Variants in ANK1 observed in about 807,000 individuals in gnomAD.
ANK1 encodes the protein ankyrin-1.
In ANK1, 51 loss-of-function variants were observed where a neutral mutation model predicts 210.4. The observed-to-expected ratio is 0.24, with a 90% confidence interval of 0.19 to 0.31. ANK1 has a LOEUF of 0.31. Ranked by LOEUF, ANK1 falls within the 10% of genes least tolerant of loss-of-function variation. ANK1 has a pLI of 1.00. For missense variants in ANK1, 2,051 were observed against 2,504.4 expected (o/e 0.82, Z 3.86); for synonymous variants, 967 against 1,025.9 (o/e 0.94, Z 1.10).
chr8:41,743,331 CGA>C (rs1392543547), intron 2 of ANK1, among the ~76,000 whole-genome samples: 3 of 152,086 alleles, frequency 2.0e-5, no homozygotes, highest in African/African-American at 7.2e-5. Flanking sequence ...AGGGAAGGAG[CGA>C]CGGCATGATA....
At chr8:41,882,730 C>A (rs1409486010) in intron 1 of ANK1, among the ~76,000 whole-genome samples, 1 of 152,264 alleles carries the variant, frequency 6.6e-6, no homozygotes. Context: ...ATCGCCAGTG[C>A]TCTGGGCTGT....
At chr8:41,752,139 G>A (rs970955225) in intron 2 of ANK1, among the ~76,000 whole-genome samples, 3 of 152,232 alleles carry the variant, frequency 2.0e-5, no homozygotes, top group African/African-American at 4.8e-5. Flanking sequence ...CCACCCCACC[G>A]AAATAGTCAC....
rs561881459 is a variant in ANK1, at chr8:41,668,246, C to T, written c.5394+21G>A. ...GATGCTGGGAAGGAACAGCAGCACG[C>T]AGCTCCCCTCGGGCTCTCACCTGCA... On this transcript the variant is annotated intron_variant, in intron 39 of 42. Coordinates refer to ENST00000289734, the MANE Select transcript of ANK1 (RefSeq NM_000037.4). 4.3e-6 allele frequency: 7 copies of T among 1,614,136 alleles called. No homozygotes were observed. In the African/African-American group the frequency reaches 5.3e-5, roughly 12 times the overall value.
intron 1 of ANK1, among the ~76,000 whole-genome samples, chr8:41,891,420 C>T (rs948712065): frequency 6.6e-6 from 1 of 152,170 alleles, no homozygotes; most frequent in Non-Finnish European, 1.5e-5. Flanking sequence ...AGGTGACTTG[C>T]TCCAGGCTCT....
intron 1 of ANK1, among the ~76,000 whole-genome samples, chr8:41,844,341 G>C (rs983753785): frequency 6.6e-6 from 1 of 152,218 alleles, no homozygotes; most frequent in Non-Finnish European, 1.5e-5. Flanking sequence ...CGAATGGGTA[G>C]ATCCAGGTCA....
chr8:41,834,049 G>A (rs988067526), intron 1 of ANK1, among the ~76,000 whole-genome samples: 2 of 152,196 alleles, frequency 1.3e-5, no homozygotes, highest in African/African-American at 4.8e-5. Context: ...TGACATCAGA[G>A]GGTGAGAGGG....
chr8:41,661,325 G>T, intron 42 of ANK1, 105 bp downstream of exon 42: 1 of 1,490,556 alleles, frequency 6.7e-7, no homozygotes. Context: ...CAAGTTGTTT[G>T]TCCCACATCA....
At chr8:41,724,131 C>A (rs1030733462) in intron 7 of ANK1, among the ~76,000 whole-genome samples, 1 of 152,174 alleles carries the variant, frequency 6.6e-6, no homozygotes, top group Non-Finnish European at 1.5e-5. Context: ...CAGGATGGGT[C>A]ATCCCACCAC....
At chr8:41,871,268 ACCT>A (rs1352013094) in intron 1 of ANK1, among the ~76,000 whole-genome samples, 3 of 152,110 alleles carry the variant, frequency 2.0e-5, no homozygotes, top group African/African-American at 7.2e-5. Flanking sequence ...GGGCCTCCTA[ACCT>A]CCGCAGAATC....
intron 1 of ANK1, among the ~76,000 whole-genome samples, chr8:41,794,416 C>T (rs1310978236): frequency 1.3e-5 from 2 of 152,186 alleles, no homozygotes; most frequent in African/African-American, 4.8e-5. Context: ...CCAATGGCAC[C>T]TCAATGAGGC....
At chr8:41,844,439 G>T (rs1415899539) in intron 1 of ANK1, among the ~76,000 whole-genome samples, 1 of 151,924 alleles carries the variant, frequency 6.6e-6, no homozygotes, top group Admixed American at 6.5e-5. Context: ...AACCTCCATC[G>T]CCTGAGCCCC....
chr8:41,865,242 G>A (rs1023967534), intron 1 of ANK1, among the ~76,000 whole-genome samples: 1 of 152,176 alleles, frequency 6.6e-6, no homozygotes, highest in Admixed American at 6.5e-5. Context: ...TAAAGCTCAT[G>A]GTCTCCTTGA....
Position 41,886,619 on chromosome 8 carries a change from C to G in ANK1, c.126+9736G>C, listed in dbSNP as rs189032062. ...AACTGCGTTCTGACGGAGGACTTGA[C>G]ATTGATGTTGGAGGCCAAGGATGTG... On this transcript the variant is annotated intron_variant, in intron 1 of 42. Coordinates refer to the ANK1 transcript ENST00000265709. Among the ~76,000 whole-genome samples, 64 of 152,322 alleles carry G rather than the reference C, an allele frequency of 4.2e-4. No individual in the cohort carries two copies. The East Asian group carries it at 0.011, about 25-fold the overall frequency.
intron 24 of ANK1, chr8:41,697,655 A>G: frequency 2.9e-6 from 1 of 349,042 alleles, no homozygotes; most frequent in South Asian, 2.3e-5. Context: ...GCAGGTGTCC[A>G]GCCCTCCTGC....
intron 1 of ANK1, among the ~76,000 whole-genome samples, chr8:41,770,584 C>A (rs986867041): frequency 1.3e-5 from 2 of 152,208 alleles, no homozygotes; most frequent in Non-Finnish European, 2.9e-5. Context: ...AAGCTGAATA[C>A]AACCCACAGC....
intron 1 of ANK1, among the ~76,000 whole-genome samples, chr8:41,873,407 C>T (rs1396208321): frequency 6.6e-6 from 1 of 152,226 alleles, no homozygotes; most frequent in East Asian, 1.9e-4. Context: ...TGAGTTCCAA[C>T]AGGCACATCC....
intron 1 of ANK1, among the ~76,000 whole-genome samples, chr8:41,778,199 G>T (rs1348762633): frequency 6.6e-6 from 1 of 152,214 alleles, no homozygotes; most frequent in East Asian, 1.9e-4. Flanking sequence ...CTCTTGGGAA[G>T]ACTGCAAACT....
At chr8:41,879,410 T>C (rs377099102) in intron 1 of ANK1, among the ~76,000 whole-genome samples, 8 of 152,294 alleles carry the variant, frequency 5.3e-5, no homozygotes, top group African/African-American at 1.9e-4. Flanking sequence ...CTCGAGAACA[T>C]TGACATTCCC....
intron 1 of ANK1, among the ~76,000 whole-genome samples, chr8:41,844,393 G>A (rs1175982669): frequency 6.6e-6 from 1 of 152,068 alleles, no homozygotes; most frequent in South Asian, 2.1e-4. Flanking sequence ...TGTACCTCTC[G>A]GCCCAGGACA....
Sources: allele counts gnomAD v4.1 joint callset (sites outside exome capture counted in the v4.1 genomes callset), GRCh38; gene constraint gnomAD v4.1.1; transcripts MANE v1.5; gene names NCBI Gene and HGNC (gene_info 2026-07-23, HGNC 2026-07-21).